The following SLC26A3 variants were observed in gnomAD, a reference collection of about 807,000 sequenced individuals.
SLC26A3 encodes solute carrier family 26 member 3, also known as chloride anion exchanger.
A neutral mutation model predicts 85.6 loss-of-function variants in SLC26A3; 64 were observed. The ratio of observed to expected loss-of-function variants is 0.75; its 90% confidence interval spans 0.61 to 0.92. The LOEUF (loss-of-function observed/expected upper bound fraction) is 0.92. SLC26A3 is among the 40% of genes least tolerant of loss of function. The pLI, the probability that SLC26A3 is intolerant of heterozygous loss-of-function variation, is 0.00. For missense variants in SLC26A3, 922 were observed against 927.3 expected (o/e 0.99, Z 0.07); for synonymous variants, 349 against 336.0 (o/e 1.04, Z -0.42).
chr7:107,794,841 A>G (rs1309727809), intron 1 of SLC26A3, among the ~76,000 whole-genome samples: 1 of 152,232 alleles, frequency 6.6e-6, no homozygotes, highest in Non-Finnish European at 1.5e-5. Flanking sequence ...GACTCAGTTT[A>G]TGAATCAATT....
chr7:107,784,272 G>A (rs1037519535), intron 8 of SLC26A3, among the ~76,000 whole-genome samples: 1 of 152,128 alleles, frequency 6.6e-6, no homozygotes, highest in Non-Finnish European at 1.5e-5. Context: ...AGCTTGGAAT[G>A]TTTTTGTTTT....
Position 107,782,836 on chromosome 7 carries a change from G to T in SLC26A3, c.1272C>A (p.Val424=). The part of the protein sequence containing the change: ...GLIGAIIVLI[V]VLAIGFLLAP... ...CCAGGAGAAATCCAATGGCTAGAACGACAATCAGCACGATGATGGCACCAA... is the reference window on the plus strand; with the variant it reads ...CCAGGAGAAATCCAATGGCTAGAACTACAATCAGCACGATGATGGCACCAA... Residue 424 remains valine (V), a synonymous_variant, in exon 11 of 21, where the codon GTC becomes GTA. Coordinates refer to ENST00000340010, the MANE Select transcript of SLC26A3 (RefSeq NM_000111.3). The T allele has an allele frequency of 6.2e-7, 1 of 1,614,054 alleles. No homozygotes were observed. The highest frequency in any genetic ancestry group is 1.1e-5 in the South Asian group (1 of 91,054).
Position 107,782,872 on chromosome 7 carries a change from A to G in SLC26A3, c.1236T>C (p.Ile412=). The part of the protein sequence containing the change: ...VQESTGGKTQ[I]AGLIGAIIVL... ...CGATGATGGCACCAATAAGCCCAGC[A>G]ATCTGTGAGGATAAAAAAATTATCA... Residue 412 remains isoleucine (I), a splice_region_variant and synonymous_variant, in exon 11 of 21, where the codon ATT becomes ATC. Coordinates refer to ENST00000340010, the MANE Select transcript of SLC26A3 (RefSeq NM_000111.3). The G allele has an allele frequency of 6.2e-7, 1 of 1,613,992 alleles. No homozygotes were observed. Among genetic ancestry groups the G allele is most frequent in the Non-Finnish European group, 8.5e-7 (1 of 1,180,002 alleles).
chr7:107,772,024 AG>A (rs1403422146), intron 18 of SLC26A3, 29 bp downstream of exon 18: 6 of 1,522,244 alleles, frequency 3.9e-6, no homozygotes, highest in Non-Finnish European at 5.5e-6. Context: ...AGTGATTGTC[AG>A]AACATAAAAC....
chr7:107,800,090 G>T (rs1794574947), intron 1 of SLC26A3, among the ~76,000 whole-genome samples: 1 of 152,138 alleles, frequency 6.6e-6, no homozygotes, highest in Non-Finnish European at 1.5e-5. Flanking sequence ...CTTCACAATT[G>T]CAGCAGGTTC....
chr7:107,773,726 T>C (rs886421632), intron 17 of SLC26A3, among the ~76,000 whole-genome samples, 194 bp downstream of exon 17: 1 of 152,166 alleles, frequency 6.6e-6, no homozygotes, highest in Non-Finnish European at 1.5e-5. Context: ...GATTTTTGTA[T>C]TTTTAGTAGA....
At chr7:107,780,059 C>G (rs1794191635) in intron 11 of SLC26A3, among the ~76,000 whole-genome samples, 1 of 151,756 alleles carries the variant, frequency 6.6e-6, no homozygotes, top group African/African-American at 2.4e-5. Flanking sequence ...GAAAGGCAGA[C>G]CTTCAGACCT....
Position 107,776,506 on chromosome 7 carries a change from T to C in SLC26A3, c.1623A>G (p.Pro541=), listed in dbSNP as rs368930571. 18 of 1,614,050 alleles carry C rather than the reference T, an allele frequency of 1.1e-5. No homozygotes were observed. The highest frequency in any genetic ancestry group is 4.0e-5 in the African/African-American group (3 of 74,950). ...EPEGVKIFRC[P]SPIYFANIGF... ...CAATGTTTGCAAAGTAGATAGGAGA[T>C]GGACATCTGAAAATTTTCACTCCTT... is the stretch of plus-strand genomic sequence containing the variant. Residue 541 remains proline (P), a synonymous_variant, in exon 15 of 21, where the codon CCA becomes CCG. Transcript: ENST00000340010.
chr7:107,768,573 G>A (rs576498155), intron 18 of SLC26A3, among the ~76,000 whole-genome samples: 28 of 152,286 alleles, frequency 1.8e-4, no homozygotes, highest in African/African-American at 6.7e-4. Context: ...TATTCCTGTA[G>A]TACTGACAGA....
chr7:107,769,520 A>G (rs1350662346), intron 18 of SLC26A3, among the ~76,000 whole-genome samples: 2 of 152,178 alleles, frequency 1.3e-5, no homozygotes, highest in African/African-American at 4.8e-5. Flanking sequence ...AGTGGGAGCT[A>G]AATGATGAGA....
Position 107,791,855 on chromosome 7 carries a change from G to A in SLC26A3, c.357C>T (p.Phe119=), listed in dbSNP as rs73419912. 2,822 of 1,612,592 alleles carry A rather than the reference G, an allele frequency of 1.7e-3. 9 individuals carry two copies. The highest frequency in any genetic ancestry group is 0.014 in the African/African-American group (1,078 of 74,974). The change falls in exon 4 of 21, where the codon TTC becomes TTT. Residue 119 remains phenylalanine (F), a synonymous_variant. Transcript: ENST00000340010. ...SFFPAIIYLF[F]GTSRHISVGP... The stretch of plus-strand genomic sequence containing the variant: ...CCACGGATATGTGTCTGGAAGTGCC[G>A]AAGAAAAGGTAGATTATGGCTGGGA...
chr7:107,769,979 CCCTT>C (rs1390551566), intron 18 of SLC26A3, among the ~76,000 whole-genome samples: 10 of 141,780 alleles, frequency 7.1e-5, no homozygotes, highest in African/African-American at 1.3e-4. Flanking sequence ...CTCCCTCCCT[CCCTT>C]CCTTCCTTCC....
chr7:107,794,717 G>A (rs370811897), intron 1 of SLC26A3, 120 bp from the exon 2 acceptor site: 6 of 573,828 alleles, frequency 1.0e-5, no homozygotes, highest in South Asian at 2.0e-5. Flanking sequence ...CAGGATTAAG[G>A]GACCTAGATT....
At chr7:107,796,841 GAA>G (rs796089766) in intron 1 of SLC26A3, among the ~76,000 whole-genome samples, 1,801 of 144,084 alleles carry the variant, frequency 0.012, 43 homozygotes, top group African/African-American at 0.044. Flanking sequence ...CTATGGCCAG[GAA>G]AAAAAAAAAA....
intron 11 of SLC26A3, among the ~76,000 whole-genome samples, chr7:107,780,305 G>T (rs1001770112): frequency 1.2e-4 from 19 of 152,112 alleles, no homozygotes; most frequent in Non-Finnish European, 4.4e-5. Flanking sequence ...TACAGGAGGG[G>T]CTTTAAAATT....
At chr7:107,796,690 C>T (rs1375132007) in intron 1 of SLC26A3, among the ~76,000 whole-genome samples, 1 of 151,518 alleles carries the variant, frequency 6.6e-6, no homozygotes, top group Non-Finnish European at 1.5e-5. Flanking sequence ...TGGTCAATCA[C>T]TTCTGACATC....
chr7:107,780,792 T>C (rs1037746491), intron 11 of SLC26A3, among the ~76,000 whole-genome samples: 24 of 152,270 alleles, frequency 1.6e-4, no homozygotes, highest in Middle Eastern at 3.4e-3. Flanking sequence ...TTTAAAAAAT[T>C]TGGCACACAA....
rs1562874162 is a variant in SLC26A3, at chr7:107,770,023, TTTC to T, written c.2062+2028_2062+2030del. On this transcript the variant is annotated intron_variant, in intron 18 of 20. Coordinates refer to ENST00000340010, the MANE Select transcript of SLC26A3 (RefSeq NM_000111.3). ...TTCTCTTTCTTTCTTTCTTTCTTTC[TTTC>T]TTTCTTTCTTTCTTTCTTTCTTTCT... Among the ~76,000 whole-genome samples the T allele has an allele frequency of 9.7e-5, 4 of 41,140 alleles. 1 individual carries two copies. The highest frequency in any genetic ancestry group is 1.8e-4 in the Non-Finnish European group (4 of 22,338). The allele number at this position is 41,140 out of a possible 152,430, so 27.0% of individuals were successfully genotyped here.
rs747653037 is a variant in SLC26A3 at position 107,787,369 on chromosome 7, G to A, written c.876C>T (p.Ile292=). Residue 292 remains isoleucine, a synonymous_variant, in exon 7 of 21, where the codon ATC becomes ATT. Transcript: ENST00000340010. ...AATGATCAATTACCATAATGAATTC[G>A]ATTGGAATGGGCACTGGAAGTTTGT... The part of the protein sequence containing the change: ...FKDKLPVPIP[I]EFIMTVIAAG... 9 of 1,613,938 alleles carry A rather than the reference G, an allele frequency of 5.6e-6. No individual in the cohort carries two copies. The highest frequency in any genetic ancestry group is 2.2e-5 in the South Asian group (2 of 91,050).
Sources: gnomAD v4.1 joint callset for allele counts (sites outside exome capture counted in the v4.1 genomes callset) on GRCh38, gnomAD v4.1.1 for gene constraint, MANE v1.5 for transcripts, NCBI Gene and HGNC (gene_info 2026-07-23, HGNC 2026-07-21) for gene names.